Variants in DYM observed in about 807,000 individuals in gnomAD.
DYM encodes the protein dyggve-Melchior-Clausen syndrome protein.
Under a neutral mutation model 93.1 loss-of-function variants are expected in DYM, and 78 were observed. The observed-to-expected ratio is 0.84, with a 90% CI of 0.70 to 1.01. The LOEUF (loss-of-function observed/expected upper bound fraction) is 1.01, where lower values mean the gene tolerates loss of function less well. DYM is among the 50% of genes least tolerant of loss of function. The pLI is 0.00. For synonymous variants in DYM, 321 were observed against 319.7 expected, an observed-to-expected ratio of 1.00 and a Z score of -0.04; for missense variants, 789 against 845.0, an observed-to-expected ratio of 0.93 and a Z score of 0.82.
At chr18:49,420,632 G>C (rs1224717702) in intron 2 of DYM, among the ~76,000 whole-genome samples, 1 of 152,134 alleles carries the variant, frequency 6.6e-6, no homozygotes, top group Non-Finnish European at 1.5e-5. Context: ...TCCAACTGAG[G>C]TACCTGGTTC....
At chr18:49,163,901 G>T in intron 14 of DYM, 114 bp from the exon 15 acceptor site, 1 of 722,170 alleles carries the variant, frequency 1.4e-6, no homozygotes, top group South Asian at 1.6e-5. Context: ...ACTTGTAAAT[G>T]ATTCTTTCTT....
intron 6 of DYM, among the ~76,000 whole-genome samples, chr18:49,340,597 C>G (rs368154303): frequency 1.3e-5 from 2 of 152,192 alleles, no homozygotes; most frequent in Non-Finnish European, 2.9e-5. Context: ...GAATGTGACA[C>G]ATAGCCAAAT....
chr18:49,076,635 T>A (rs920517312), intron 17 of DYM, among the ~76,000 whole-genome samples: 9 of 152,242 alleles, frequency 5.9e-5, no homozygotes, highest in African/African-American at 2.2e-4. Context: ...AAATATGGTA[T>A]CTGTTATTAC....
At chr18:49,113,636 A>C (rs1390203880) in intron 16 of DYM, among the ~76,000 whole-genome samples, 1 of 152,188 alleles carries the variant, frequency 6.6e-6, no homozygotes, top group African/African-American at 2.4e-5. Context: ...ACAGTCTTTC[A>C]CAGAGTTAAC....
chr18:49,459,593 C>G (rs1269581596), intron 1 of DYM, among the ~76,000 whole-genome samples: 1 of 152,104 alleles, frequency 6.6e-6, no homozygotes, highest in Non-Finnish European at 1.5e-5. Flanking sequence ...ACACACCCCT[C>G]TCTCCAACTT....
Position 49,430,311 on chromosome 18 carries a change from C to T in DYM, c.84G>A (p.Glu28=), listed in dbSNP as rs1211047991. Residue 28 remains glutamate (E), a synonymous_variant, in exon 2 of 18, where the codon GAG becomes GAA. Coordinates refer to ENST00000675505, the MANE Select transcript of DYM (RefSeq NM_001353214.3). Reference sequence around the variant, plus strand: ...GAAGCTGATTCCAGAACGGGTCATTCTCAGAGATAGATTCCGTGCCTGATA... The same window carrying T: ...GAAGCTGATTCCAGAACGGGTCATTTTCAGAGATAGATTCCGTGCCTGATA... ...KKLSGTESIS[E]NDPFWNQLLS... is the part of the protein sequence containing the mutation. 8.1e-6 allele frequency: 13 copies of T among 1,613,900 alleles called. No individual in the cohort carries two copies. The highest frequency in any genetic ancestry group is 2.2e-5 in the East Asian group (1 of 44,882).
intron 1 of DYM, among the ~76,000 whole-genome samples, chr18:49,457,113 C>A (rs534701657): frequency 6.6e-6 from 1 of 152,336 alleles, no homozygotes; most frequent in East Asian, 1.9e-4. Context: ...CCATTCCCAG[C>A]TGAGTCACAG....
At chr18:49,105,441 T>C (rs1328293679) in intron 16 of DYM, among the ~76,000 whole-genome samples, 1 of 152,214 alleles carries the variant, frequency 6.6e-6, no homozygotes, top group Non-Finnish European at 1.5e-5. Context: ...ATTTCTTGCC[T>C]TCTGCTAGCT....
At chr18:49,327,648 C>T (rs1276693383) in intron 8 of DYM, among the ~76,000 whole-genome samples, 1 of 152,074 alleles carries the variant, frequency 6.6e-6, no homozygotes, top group African/African-American at 2.4e-5. Context: ...TGAGCCACTG[C>T]ACCTGGCATC....
chr18:49,197,667 T>C (rs906462443), intron 14 of DYM, among the ~76,000 whole-genome samples: 3 of 152,146 alleles, frequency 2.0e-5, no homozygotes, highest in African/African-American at 7.2e-5. Flanking sequence ...GGAATCCAAC[T>C]TACAAGGGAC....
chr18:49,412,236 T>TA (rs67065136), intron 2 of DYM, among the ~76,000 whole-genome samples: 32,654 of 134,952 alleles, frequency 0.24, 4,209 homozygotes, highest in East Asian at 0.41. Flanking sequence ...AACATTGACT[T>TA]AAAAAAAAAA....
chr18:49,215,005 T>C (rs1055458303), intron 13 of DYM, among the ~76,000 whole-genome samples: 6 of 152,212 alleles, frequency 3.9e-5, no homozygotes, highest in African/African-American at 1.4e-4. Context: ...CTGCTCTTAC[T>C]ATACATCTTT....
At chr18:49,421,049 TC>T (rs1418442900) in intron 2 of DYM, among the ~76,000 whole-genome samples, 1 of 152,154 alleles carries the variant, frequency 6.6e-6, no homozygotes, top group African/African-American at 2.4e-5. Flanking sequence ...ACTGCCTGCC[TC>T]TGTAGACTCC....
At chr18:49,058,445 G>A (rs1344677887) in intron 17 of DYM, among the ~76,000 whole-genome samples, 23 of 151,638 alleles carry the variant, frequency 1.5e-4, no homozygotes, top group Non-Finnish European at 1.5e-5. Context: ...TCAGCTTCCT[G>A]AGTAGCTAGG....
chr18:49,293,358 C>G (rs991767723), intron 8 of DYM, among the ~76,000 whole-genome samples: 1 of 152,044 alleles, frequency 6.6e-6, no homozygotes, highest in East Asian at 1.9e-4. Context: ...GGGATTGCTG[C>G]GTCAAATGGT....
intron 6 of DYM, among the ~76,000 whole-genome samples, chr18:49,346,138 A>G (rs561371937): frequency 6.6e-6 from 1 of 152,236 alleles, no homozygotes; most frequent in Admixed American, 6.5e-5. Flanking sequence ...ATGCATAGCC[A>G]GAAGAACTGA....
chr18:49,376,300 T>G (rs1269321925), intron 5 of DYM, among the ~76,000 whole-genome samples: 1 of 152,178 alleles, frequency 6.6e-6, no homozygotes, highest in African/African-American at 2.4e-5. Context: ...CGAAACAAAC[T>G]TAATTGTGAT....
intron 8 of DYM, among the ~76,000 whole-genome samples, chr18:49,316,577 A>C (rs78443739): frequency 0.011 from 1,666 of 152,338 alleles, 46 homozygotes; most frequent in South Asian, 0.075. Flanking sequence ...AAGAGATAAT[A>C]AAAACAACGT....
intron 16 of DYM, among the ~76,000 whole-genome samples, chr18:49,109,235 T>C (rs2081171528): frequency 6.6e-6 from 1 of 152,196 alleles, no homozygotes; most frequent in Non-Finnish European, 1.5e-5. Context: ...AGGATTTAAA[T>C]ACATGGATGG....
Sources: allele counts gnomAD v4.1 joint callset (sites outside exome capture counted in the v4.1 genomes callset), GRCh38; gene constraint gnomAD v4.1.1; transcripts MANE v1.5; gene names NCBI Gene and HGNC (gene_info 2026-07-23, HGNC 2026-07-21).